The following CADM2 variants were observed in gnomAD, a reference collection of about 807,000 sequenced individuals.
CADM2 encodes the protein cell adhesion molecule 2.
Under a neutral mutation model 49.8 loss-of-function variants are expected in CADM2, and 12 were observed. The observed-to-expected ratio is 0.24, with a 90% CI of 0.15 to 0.39. The LOEUF (loss-of-function observed/expected upper bound fraction) is 0.39. Among genes scored for constraint, CADM2 ranks in the 10% least tolerant of loss-of-function variants. CADM2 has a pLI of 1.00. For missense variants in CADM2, 378 were observed against 492.3 expected (o/e 0.77, Z 2.20); for synonymous variants, 214 against 175.4 (o/e 1.22, Z -1.74).
chr3:85,552,932 C>G (rs2061850476), intron 1 of CADM2, among the ~76,000 whole-genome samples: 1 of 152,126 alleles, frequency 6.6e-6, no homozygotes, highest in South Asian at 2.1e-4. Flanking sequence ...CTGCCTCGGC[C>G]TCCCAAAGTC....
At chr3:85,023,982 C>A (rs899655870) in intron 1 of CADM2, among the ~76,000 whole-genome samples, 5 of 151,942 alleles carry the variant, frequency 3.3e-5, no homozygotes, top group African/African-American at 1.2e-4. Flanking sequence ...GTTTTCATAT[C>A]AAAAATAAGA....
At chr3:85,271,154 A>G (rs1048387023) in intron 1 of CADM2, among the ~76,000 whole-genome samples, 1 of 151,402 alleles carries the variant, frequency 6.6e-6, no homozygotes, top group African/African-American at 2.4e-5. Context: ...CTTGAGCAAG[A>G]TAGCTTCCTA....
chr3:85,685,500 T>G (rs547030711), intron 1 of CADM2, among the ~76,000 whole-genome samples: 98 of 152,298 alleles, frequency 6.4e-4, no homozygotes, highest in African/African-American at 2.3e-3. Context: ...TGAACTTTCC[T>G]CTACATTTTT....
At chr3:85,019,995 A>G (rs1284621494) in intron 1 of CADM2, among the ~76,000 whole-genome samples, 1 of 152,282 alleles carries the variant, frequency 6.6e-6, no homozygotes, top group East Asian at 1.9e-4. Context: ...ATACAAAGAT[A>G]TATGTTTTAT....
At chr3:86,061,285 G>A (rs1052850716) in intron 8 of CADM2, among the ~76,000 whole-genome samples, 1 of 151,690 alleles carries the variant, frequency 6.6e-6, no homozygotes, top group African/African-American at 2.4e-5. Context: ...CTTGATAGGG[G>A]GTGTTTTTAG....
At chr3:85,669,483 C>T (rs573704856) in intron 1 of CADM2, among the ~76,000 whole-genome samples, 1 of 152,240 alleles carries the variant, frequency 6.6e-6, no homozygotes, top group South Asian at 2.1e-4. Context: ...CACAATTATA[C>T]TTGCATTCTT....
At chr3:85,726,660 T>TA in intron 2 of CADM2, 112 bp downstream of exon 2, 1 of 686,616 alleles carries the variant, frequency 1.5e-6, no homozygotes, top group Non-Finnish European at 2.5e-6. Context: ...TATTTCAGTG[T>TA]ATAGATATTG....
At chr3:85,575,503 A>G (rs931449667) in intron 1 of CADM2, among the ~76,000 whole-genome samples, 1 of 152,220 alleles carries the variant, frequency 6.6e-6, no homozygotes, top group East Asian at 1.9e-4. Context: ...GTGAGCCGAG[A>G]TGGCACCACT....
chr3:86,036,987 C>T (rs2107199000), intron 8 of CADM2, among the ~76,000 whole-genome samples: 1 of 152,100 alleles, frequency 6.6e-6, no homozygotes, highest in East Asian at 1.9e-4. Flanking sequence ...TTCTGCATTT[C>T]ATATTCTATT....
At position 85,969,838 on chromosome 3, in the gene CADM2, G is replaced by T. The variant is rs577288200; in HGVS notation, c.970+8191G>T. ...AAATCTGTTTCTGTCTGTCTCTCCC[G>T]CTGTTTTCAAGAGAAGAAACTTTAG... On this transcript the variant is annotated intron_variant, in intron 8 of 9. Transcript: ENST00000383699. Among the ~76,000 whole-genome samples, 7 of 150,616 alleles carry T rather than the reference G, an allele frequency of 4.6e-5. No homozygotes were observed. The South Asian group carries it at 1.5e-3, about 32-fold the overall frequency.
chr3:85,533,825 C>T (rs532482939), intron 1 of CADM2, among the ~76,000 whole-genome samples: 51 of 152,126 alleles, frequency 3.4e-4, no homozygotes, highest in African/African-American at 1.1e-3. Context: ...ATCTGGATGC[C>T]GGAAGTTAGT....
intron 1 of CADM2, among the ~76,000 whole-genome samples, chr3:85,434,334 C>G (rs2036827351): frequency 6.6e-6 from 1 of 151,450 alleles, no homozygotes; most frequent in Non-Finnish European, 1.5e-5. Context: ...TTCATTTTTT[C>G]TTTTACATGT....
intron 1 of CADM2, among the ~76,000 whole-genome samples, chr3:84,987,768 A>G (rs754310523): frequency 6.6e-6 from 1 of 152,176 alleles, no homozygotes; most frequent in Non-Finnish European, 1.5e-5. Flanking sequence ...AGCAACTCAT[A>G]TTTGTTTATG....
In CADM2 at chr3:85,959,146, A is replaced by ATC. The variant is rs1157977118; in HGVS notation, c.792-2321_792-2320dup. Among the ~76,000 whole-genome samples, 423 of 71,972 alleles carry ATC rather than the reference A, an allele frequency of 5.9e-3. 8 individuals carry two copies. Among genetic ancestry groups the ATC allele is most frequent in the African/African-American group, 0.027 (369 of 13,822 alleles). 47.2% of individuals were successfully genotyped at this position (71,972 alleles called of 152,430 possible). A position where few individuals can be genotyped will look rare whatever the true frequency, so the allele number is the denominator to read the frequency against. On this transcript the variant is annotated intron_variant, in intron 7 of 9. Coordinates refer to ENST00000383699, the MANE Select transcript of CADM2 (RefSeq NM_001167675.2). ...GCTATATAGCTGTATATCTTTATCT[A>ATC]TCTATCTCTCTCTCTCTCTCTCTCT...
intron 1 of CADM2, among the ~76,000 whole-genome samples, chr3:85,150,760 T>A (rs1014807012): frequency 6.6e-6 from 1 of 150,440 alleles, no homozygotes; most frequent in Non-Finnish European, 1.5e-5. Context: ...GAAAAAAAAA[T>A]TAGCCAGGTA....
intron 3 of CADM2, among the ~76,000 whole-genome samples, chr3:85,844,167 A>G (rs1051503511): frequency 2.0e-5 from 3 of 152,138 alleles, no homozygotes; most frequent in African/African-American, 7.2e-5. Flanking sequence ...TAATCCAGCT[A>G]TCAGAGATTT....
At chr3:85,464,547 G>C (rs2038401983) in intron 1 of CADM2, among the ~76,000 whole-genome samples, 1 of 152,118 alleles carries the variant, frequency 6.6e-6, no homozygotes, top group Non-Finnish European at 1.5e-5. Flanking sequence ...ACTTTAAGGT[G>C]AGTCCATGAA....
At chr3:85,829,377 C>T (rs1367284116) in intron 3 of CADM2, among the ~76,000 whole-genome samples, 2 of 151,690 alleles carry the variant, frequency 1.3e-5, no homozygotes, top group African/African-American at 2.4e-5. Flanking sequence ...GTGTAATGAT[C>T]AAATGAGGGT....
chr3:85,652,155 G>A (rs558878248), intron 1 of CADM2, among the ~76,000 whole-genome samples: 3 of 151,878 alleles, frequency 2.0e-5, no homozygotes, highest in South Asian at 2.1e-4. Context: ...TGTCAGTCTC[G>A]TTTACCCAAT....
Sources: gnomAD v4.1 joint callset for allele counts (sites outside exome capture counted in the v4.1 genomes callset) on GRCh38, gnomAD v4.1.1 for gene constraint, MANE v1.5 for transcripts, NCBI Gene and HGNC (gene_info 2026-07-23, HGNC 2026-07-21) for gene names.